Variants in GLB1 observed in about 807,000 individuals in gnomAD.
GLB1 encodes the protein beta-galactosidase.
In GLB1, 56 loss-of-function variants were observed where a neutral mutation model predicts 74.0. The ratio of observed to expected loss-of-function variants is 0.76; its 90% CI spans 0.61 to 0.94. The LOEUF is 0.94. GLB1 is among the 40% of genes least tolerant of loss of function. The pLI is 0.00. For synonymous variants in GLB1, 323 were observed against 323.6 expected (o/e 1.00, Z 0.02); for missense variants, 787 against 845.5 (o/e 0.93, Z 0.86).
rs143322194 is a variant in GLB1, at chr3:33,074,408, G to GAAAGAAAGAAAGAAAGAAAGAAAGA, written c.76-1696_76-1695insTCTTTCTTTCTTTCTTTCTTTCTTT. On this transcript the variant is annotated intron_variant, in intron 1 of 15. Transcript: ENST00000307363. ...AGGAAGGAAGAAAGAAAGAAAGAAAGAATATTACACATAGTAAAGTATTAC... is the reference window on the plus strand; with the variant it reads ...AGGAAGGAAGAAAGAAAGAAAGAAAGAAAGAAAGAAAGAAAGAAAGAAAGAAATATTACACATAGTAAAGTATTAC... 7.9e-5 allele frequency among the ~76,000 whole-genome samples: 9 copies of GAAAGAAAGAAAGAAAGAAAGAAAGA among 113,650 alleles called. 2 individuals carry two copies. Among genetic ancestry groups the GAAAGAAAGAAAGAAAGAAAGAAAGA allele is most frequent in the Admixed American group, 2.8e-4 (3 of 10,606 alleles). The allele number at this position is 113,650 out of a possible 152,430, so 74.6% of individuals were successfully genotyped here. A position where few individuals can be genotyped will look rare whatever the true frequency, so the allele number is the denominator to read the frequency against.
intron 14 of GLB1, 50 bp downstream of exon 14, chr3:33,016,659 C>T (rs2125466853): frequency 6.2e-7 from 1 of 1,610,046 alleles, no homozygotes; most frequent in African/African-American, 1.3e-5. Context: ...GCTTCAACTT[C>T]TAAGTTGTCA....
intron 1 of GLB1, chr3:33,092,506 C>A (rs1251226318): frequency 4.6e-6 from 5 of 1,088,312 alleles, no homozygotes; most frequent in East Asian, 5.8e-5. Context: ...TTTCTAGCAA[C>A]CCCGAGGGGA....
chr3:32,974,383 G>C, the GLB1 span, among the ~76,000 whole-genome samples: 1 of 151,884 alleles, frequency 6.6e-6, no homozygotes, highest in African/African-American at 2.4e-5. Flanking sequence ...TCTGTATTAG[G>C]GTTCTCCAGA....
At chr3:33,038,019 CAAAAAAAAAAAAAAA>C (rs63478362) in intron 10 of GLB1, 1 of 71,702 alleles carries the variant, frequency 1.4e-5, no homozygotes, top group Non-Finnish European at 2.4e-5. Context: ...GGCGACTCTT[CAAAAAAAAAAAAAAA>C]AAAAAAAAAA....
At chr3:32,980,312 G>A in the GLB1 span, among the ~76,000 whole-genome samples, 10 of 152,152 alleles carry the variant, frequency 6.6e-5, no homozygotes, top group African/African-American at 2.2e-4. Context: ...TTGGCTTCCT[G>A]AGTAGCTGGA....
intron 1 of GLB1, among the ~76,000 whole-genome samples, chr3:33,088,732 A>G (rs1457099418): frequency 2.0e-5 from 3 of 152,226 alleles, no homozygotes; most frequent in African/African-American, 7.2e-5. Flanking sequence ...CACAGATTCA[A>G]CACAATCCCT....
intron 10 of GLB1, chr3:33,034,183 C>T (rs1698175638): frequency 4.8e-6 from 3 of 629,328 alleles, no homozygotes; most frequent in Non-Finnish European, 8.8e-6. Flanking sequence ...CCTCCGTGAA[C>T]TCTGTATGCT....
At chr3:33,019,778 G>T (rs1483656947) in intron 12 of GLB1, among the ~76,000 whole-genome samples, 2 of 152,238 alleles carry the variant, frequency 1.3e-5, no homozygotes, top group East Asian at 1.9e-4. Flanking sequence ...AGGAGGGGTA[G>T]AAGCTGTGAT....
chr3:33,092,116 G>C, intron 1 of GLB1: 1 of 985,518 alleles, frequency 1.0e-6, no homozygotes, highest in Non-Finnish European at 1.2e-6. Flanking sequence ...TTCCTAAGCA[G>C]CCATGTTCTC....
the GLB1 span, among the ~76,000 whole-genome samples, chr3:32,987,336 G>C: frequency 0.27 from 40,742 of 152,162 alleles, 5,669 homozygotes; most frequent in African/African-American, 0.33. Context: ...TTCCAGACCA[G>C]AAGAACCATA....
At chr3:32,969,065 C>T in the GLB1 span, among the ~76,000 whole-genome samples, 484 of 152,318 alleles carry the variant, frequency 3.2e-3, no homozygotes, top group Middle Eastern at 0.014. Flanking sequence ...AGAGTGTTCT[C>T]AAGCCGGAGA....
At chr3:33,052,359 C>T (rs1351168803) in intron 7 of GLB1, among the ~76,000 whole-genome samples, 6 of 152,200 alleles carry the variant, frequency 3.9e-5, no homozygotes, top group African/African-American at 7.2e-5. Context: ...CCAGGCCGGG[C>T]GCAGTGGCTC....
chr3:33,065,794 C>T lies in GLB1; in HGVS notation c.458-237G>A, dbSNP rs181183363. ...ACCAGCCTGACCAACATGGAGAAAC[C>T]CCATCTCTACTAAAAATGCAAAATT... On this transcript the variant is annotated intron_variant, in intron 4 of 15. Coordinates refer to ENST00000307363, the MANE Select transcript of GLB1 (RefSeq NM_000404.4). 2.1e-3 allele frequency among the ~76,000 whole-genome samples: 326 copies of T among 152,032 alleles called. 3 individuals carry two copies. Among genetic ancestry groups the T allele is most frequent in the Middle Eastern group, 3.4e-3 (1 of 294 alleles).
intron 9 of GLB1, among the ~76,000 whole-genome samples, chr3:33,050,280 C>T (rs2125520112): frequency 1.3e-5 from 2 of 152,276 alleles, no homozygotes; most frequent in Admixed American, 1.3e-4. Context: ...TATGACACAG[C>T]CGTTCCACTT....
At chr3:33,076,279 A>G (rs918503076) in intron 1 of GLB1, among the ~76,000 whole-genome samples, 7 of 152,194 alleles carry the variant, frequency 4.6e-5, no homozygotes, top group Non-Finnish European at 7.3e-5. Context: ...GGAGGGCAGG[A>G]CTACAGGCCA....
chr3:33,086,574 T>C (rs1423352552), intron 1 of GLB1, among the ~76,000 whole-genome samples: 2 of 152,200 alleles, frequency 1.3e-5, no homozygotes, highest in East Asian at 1.9e-4. Context: ...CAGGTCAATC[T>C]TAATATCAGT....
chr3:33,034,260 C>T (rs1404341247), intron 10 of GLB1: 1 of 688,128 alleles, frequency 1.5e-6, no homozygotes, highest in African/African-American at 1.8e-5. Flanking sequence ...TTCCTGCTGA[C>T]TTATACAGGG....
chr3:33,078,136 C>T (rs1466715422), intron 1 of GLB1, among the ~76,000 whole-genome samples: 1 of 152,062 alleles, frequency 6.6e-6, no homozygotes, highest in Non-Finnish European at 1.5e-5. Flanking sequence ...CTTAGCTACT[C>T]AGGAGGCTGA....
chr3:33,091,889 C>CTA, intron 1 of GLB1: 1 of 985,470 alleles, frequency 1.0e-6, no homozygotes, highest in South Asian at 4.7e-5. Context: ...ATCAAAGGAT[C>CTA]TATTGCTTCT....
Sources: allele counts gnomAD v4.1 joint callset (sites outside exome capture counted in the v4.1 genomes callset), GRCh38; gene constraint gnomAD v4.1.1; transcripts MANE v1.5; gene names NCBI Gene and HGNC (gene_info 2026-07-23, HGNC 2026-07-21).